Variants in SLC4A10 observed in about 807,000 individuals in gnomAD.
The protein encoded by SLC4A10 is solute carrier family 4 member 10.
Under a neutral mutation model 137.7 loss-of-function variants are expected in SLC4A10, and 42 were observed. The ratio of observed to expected loss-of-function variants is 0.30; its 90% CI spans 0.24 to 0.39. SLC4A10 has a LOEUF of 0.39. Among genes scored for constraint, SLC4A10 ranks in the 10% least tolerant of loss-of-function variants. The pLI is 1.00. For synonymous variants in SLC4A10, 474 were observed against 464.1 expected (o/e 1.02, Z -0.27); for missense variants, 925 against 1,355.0 (o/e 0.68, Z 4.98).
At chr2:161,781,337 CA>C (rs1432390433) in intron 2 of SLC4A10, among the ~76,000 whole-genome samples, 1 of 151,964 alleles carries the variant, frequency 6.6e-6, no homozygotes, top group Non-Finnish European at 1.5e-5. Context: ...TAAACATATT[CA>C]ATAAATATCT....
At chr2:161,929,514 T>C (rs1428416775) in intron 15 of SLC4A10, among the ~76,000 whole-genome samples, 2 of 152,210 alleles carry the variant, frequency 1.3e-5, no homozygotes, top group Non-Finnish European at 2.9e-5. Context: ...ACACATATTT[T>C]TACATGCACC....
intron 26 of SLC4A10, among the ~76,000 whole-genome samples, chr2:161,982,345 A>G (rs1299570835): frequency 6.6e-6 from 1 of 152,154 alleles, no homozygotes; most frequent in Non-Finnish European, 1.5e-5. Flanking sequence ...CATCCCTGTA[A>G]TGATATTGTT....
intron 3 of SLC4A10, among the ~76,000 whole-genome samples, chr2:161,829,817 C>T (rs62187704): frequency 0.067 from 10,254 of 151,960 alleles, 449 homozygotes; most frequent in East Asian, 0.17. Flanking sequence ...ACAATCATGG[C>T]GGGAAGCAAA....
chr2:161,712,166 C>A (rs1445084433), intron 1 of SLC4A10, among the ~76,000 whole-genome samples: 2 of 151,848 alleles, frequency 1.3e-5, no homozygotes, highest in East Asian at 3.9e-4. Context: ...CTAACATTTA[C>A]TGACAATAAG....
chr2:161,741,994 C>T (rs1008383398), intron 1 of SLC4A10, among the ~76,000 whole-genome samples: 1 of 152,196 alleles, frequency 6.6e-6, no homozygotes, highest in African/African-American at 2.4e-5. Flanking sequence ...TTTCCAGCCT[C>T]TGGTAGCTAT....
chr2:161,718,456 C>T lies in SLC4A10; in HGVS notation c.49-52517C>T, dbSNP rs551383921. On this transcript the variant is annotated intron_variant, in intron 1 of 26. Coordinates refer to ENST00000446997, the MANE Select transcript of SLC4A10 (RefSeq NM_001178015.2). Reference sequence around the variant, plus strand: ...AGCATTTAGTGCTATAAATTTCCCTCTTAACACTGCTTTAGCTGTGTCCCA... The same window carrying T: ...AGCATTTAGTGCTATAAATTTCCCTTTTAACACTGCTTTAGCTGTGTCCCA... Among the ~76,000 whole-genome samples the T allele has an allele frequency of 1.0e-3, 159 of 152,280 alleles. 4 individuals carry two copies. In the South Asian group the frequency reaches 0.029, roughly 28 times the overall value.
intron 1 of SLC4A10, among the ~76,000 whole-genome samples, chr2:161,748,962 T>G (rs924071773): frequency 2.0e-5 from 3 of 152,028 alleles, no homozygotes; most frequent in Non-Finnish European, 4.4e-5. Flanking sequence ...TTTTTTAACA[T>G]TTTATAGTTT....
intron 12 of SLC4A10, chr2:161,901,235 T>C (rs1683044220): frequency 2.4e-6 from 1 of 418,756 alleles, no homozygotes; most frequent in Non-Finnish European, 4.3e-6. Context: ...ACCTAGTCTT[T>C]CATTTTGCTG....
chr2:161,673,223 C>A (rs1251238158), intron 1 of SLC4A10, among the ~76,000 whole-genome samples: 1 of 152,100 alleles, frequency 6.6e-6, no homozygotes, highest in African/African-American at 2.4e-5. Context: ...CCTAACTCAC[C>A]CTGTGACCCT....
chr2:161,707,914 T>C (rs34513749), intron 1 of SLC4A10, among the ~76,000 whole-genome samples: 3,253 of 151,428 alleles, frequency 0.021, 51 homozygotes, highest in South Asian at 0.033. Flanking sequence ...AAAATAAAAA[T>C]CCTGTATAGG....
intron 2 of SLC4A10, among the ~76,000 whole-genome samples, chr2:161,783,950 G>A (rs1053210765): frequency 6.6e-6 from 1 of 151,742 alleles, no homozygotes; most frequent in Non-Finnish European, 1.5e-5. Flanking sequence ...CAAAGACATA[G>A]GGTGGTTGAA....
At position 161,933,561 on chromosome 2, in the gene SLC4A10, T is replaced by A. The variant is rs1454959234; in HGVS notation, c.1998-9231T>A. On this transcript the variant is annotated intron_variant, in intron 15 of 26. Transcript: ENST00000446997. The stretch of plus-strand genomic sequence containing the variant: ...GCACATGCCACCACATCTGCCTAAT[T>A]TAAAAAATTTGTTATAGAGACAACA... 5.3e-5 allele frequency among the ~76,000 whole-genome samples: 8 copies of A among 152,134 alleles called. No homozygotes were observed. The East Asian group carries it at 1.5e-3, about 29-fold the overall frequency.
chr2:161,833,174 G>T (rs1423222799), intron 3 of SLC4A10, among the ~76,000 whole-genome samples: 1 of 152,236 alleles, frequency 6.6e-6, no homozygotes, highest in Non-Finnish European at 1.5e-5. Flanking sequence ...GAAAATGAGT[G>T]AGGTGGGTCA....
chr2:161,842,978 G>A (rs1285402912), intron 4 of SLC4A10, among the ~76,000 whole-genome samples: 2 of 152,162 alleles, frequency 1.3e-5, no homozygotes, highest in Non-Finnish European at 2.9e-5. Context: ...GTGATGACTA[G>A]ACAGCTCTGG....
At chr2:161,973,084 G>A (rs1302188503) in intron 23 of SLC4A10, among the ~76,000 whole-genome samples, 1 of 152,122 alleles carries the variant, frequency 6.6e-6, no homozygotes, top group Non-Finnish European at 1.5e-5. Flanking sequence ...AGCTGGGTCA[G>A]GCCAGCTTAG....
chr2:161,828,058 C>T (rs1454607066), intron 3 of SLC4A10, among the ~76,000 whole-genome samples: 1 of 152,152 alleles, frequency 6.6e-6, no homozygotes, highest in East Asian at 1.9e-4. Flanking sequence ...CCCCAGCTCT[C>T]CAGTGCTATT....
chr2:161,767,902 A>T (rs1393538475), intron 1 of SLC4A10, among the ~76,000 whole-genome samples: 2 of 152,010 alleles, frequency 1.3e-5, no homozygotes, highest in East Asian at 3.9e-4. Context: ...ATCTCTGAAT[A>T]CATAACAACC....
At chr2:161,823,240 A>G (rs898948486) in intron 3 of SLC4A10, among the ~76,000 whole-genome samples, 1 of 152,208 alleles carries the variant, frequency 6.6e-6, no homozygotes, top group Non-Finnish European at 1.5e-5. Flanking sequence ...ACTGAGAGAA[A>G]TGTAAACAAG....
chr2:161,818,099 T>C (rs189289391), intron 3 of SLC4A10, among the ~76,000 whole-genome samples: 9,989 of 152,112 alleles, frequency 0.066, 410 homozygotes, highest in East Asian at 0.15. Flanking sequence ...ATATTGATTC[T>C]TCCTACCCAT....
Sources: gnomAD v4.1 joint callset for allele counts (sites outside exome capture counted in the v4.1 genomes callset) on GRCh38, gnomAD v4.1.1 for gene constraint, MANE v1.5 for transcripts, NCBI Gene and HGNC (gene_info 2026-07-23, HGNC 2026-07-21) for gene names.